The following IL1RAPL1 variants were observed in gnomAD, a reference collection of about 807,000 sequenced individuals.
IL1RAPL1 encodes the protein interleukin 1 receptor accessory protein like 1.
Under a neutral mutation model 48.4 loss-of-function variants are expected in IL1RAPL1, and 3 were observed. That is an observed-to-expected ratio of 0.06 (90% CI 0.03 to 0.16). The LOEUF (loss-of-function observed/expected upper bound fraction) is 0.16, where lower values mean the gene tolerates loss of function less well. IL1RAPL1 is among the 10% of genes least tolerant of loss of function. The probability of loss-of-function intolerance (pLI) is 1.00; values close to 1 mark genes in which losing one functional copy is unlikely to be tolerated. For synonymous variants in IL1RAPL1, 185 were observed against 187.7 expected (o/e 0.99, Z 0.12); for missense variants, 349 against 530.6 (o/e 0.66, Z 3.36).
At chrX:29,129,359 C>T (rs1428673166) in intron 2 of IL1RAPL1, among the ~76,000 whole-genome samples, 1 of 110,664 alleles carries the variant, frequency 9.0e-6, no homozygotes, top group East Asian at 2.8e-4. Context: ...AATCATTTTA[C>T]ATCAGTGTTT....
At chrX:29,222,906 C>G (rs1186853337) in intron 2 of IL1RAPL1, among the ~76,000 whole-genome samples, 2 of 111,489 alleles carry the variant, frequency 1.8e-5, no homozygotes, top group African/African-American at 6.5e-5. Context: ...CGGATTGTCT[C>G]CTATGGTTTC....
intron 2 of IL1RAPL1, among the ~76,000 whole-genome samples, chrX:29,113,963 C>T: frequency 9.0e-6 from 1 of 111,510 alleles, no homozygotes; most frequent in Non-Finnish European, 1.9e-5. Context: ...ATATAGTTTG[C>T]TCTAGTTTTT....
chrX:29,513,198 GA>G (rs1236454992), intron 5 of IL1RAPL1, among the ~76,000 whole-genome samples: 1 of 99,422 alleles, frequency 1.0e-5, no homozygotes, highest in East Asian at 3.3e-4. Context: ...GTGAAAAGAG[GA>G]AAAAATATGC....
chrX:29,903,482 G>T (rs1569198581), intron 6 of IL1RAPL1, among the ~76,000 whole-genome samples: 1 of 111,071 alleles, frequency 9.0e-6, no homozygotes, highest in South Asian at 3.8e-4. Flanking sequence ...AAAATGTCTG[G>T]ATGTTGATGC....
chrX:29,627,556 T>C (rs1012955266), intron 5 of IL1RAPL1, among the ~76,000 whole-genome samples: 1 of 112,056 alleles, frequency 8.9e-6, no homozygotes, highest in African/African-American at 3.2e-5. Context: ...TTGTAGTCAA[T>C]GCCAAAGAAA....
chrX:29,775,516 G>A (rs900154026), intron 6 of IL1RAPL1, among the ~76,000 whole-genome samples: 4 of 111,322 alleles, frequency 3.6e-5, no homozygotes, highest in Middle Eastern at 4.2e-3. Flanking sequence ...TGTATTAGGC[G>A]AAGGGAGGTC....
chrX:29,931,352 G>C (rs1932947098), intron 8 of IL1RAPL1, among the ~76,000 whole-genome samples: 1 of 111,287 alleles, frequency 9.0e-6, no homozygotes. Context: ...ACCAACATAT[G>C]ATTTTTGCTT....
At chrX:29,905,126 A>G (rs1215764651) in intron 6 of IL1RAPL1, among the ~76,000 whole-genome samples, 1 of 112,396 alleles carries the variant, frequency 8.9e-6, no homozygotes. Context: ...ATGATCAGTG[A>G]TAATGAGCTT....
At chrX:29,579,889 T>C (rs949314374) in intron 5 of IL1RAPL1, among the ~76,000 whole-genome samples, 3 of 111,993 alleles carry the variant, frequency 2.7e-5, no homozygotes, top group African/African-American at 9.7e-5. Flanking sequence ...TATGTGCTTA[T>C]TGAATCTGTA....
intron 2 of IL1RAPL1, among the ~76,000 whole-genome samples, chrX:28,936,582 T>A (rs149164157): frequency 9.0e-6 from 1 of 110,555 alleles, no homozygotes; most frequent in East Asian, 2.9e-4. Flanking sequence ...TATATATATA[T>A]GTATGTATGT....
In IL1RAPL1 at chrX:29,496,469, CTTTT is replaced by C. The variant is rs60141942; in HGVS notation, c.703+97178_703+97181del. On this transcript the variant is annotated intron_variant, in intron 5 of 10. Coordinates refer to ENST00000378993, the MANE Select transcript of IL1RAPL1 (RefSeq NM_014271.4). ...TCTCCCTCCACACTCTTTCTTATTC[CTTTT>C]TTTTTTTTTTTTTTTTGCCATGTGA... Among the ~76,000 whole-genome samples the C allele has an allele frequency of 4.1e-5, 3 of 73,274 alleles. No individual in the cohort carries two copies. In the Admixed American group the frequency reaches 4.8e-4, roughly 12 times the overall value. 63.6% of individuals were successfully genotyped at this position (73,274 alleles called of 115,157 possible).
intron 3 of IL1RAPL1, among the ~76,000 whole-genome samples, chrX:29,295,481 G>T (rs770910263): frequency 1.8e-5 from 2 of 111,889 alleles, no homozygotes; most frequent in Admixed American, 1.9e-4. Context: ...TTGCATCTTT[G>T]CATCTTTGCA....
At chrX:29,365,762 G>A (rs894495575) in intron 3 of IL1RAPL1, among the ~76,000 whole-genome samples, 13 of 109,542 alleles carry the variant, frequency 1.2e-4, no homozygotes, top group African/African-American at 4.0e-4. Context: ...GAAATGGTCC[G>A]GCGCAGTTTC....
At chrX:28,720,775 G>A (rs1013821007) in intron 1 of IL1RAPL1, among the ~76,000 whole-genome samples, 1 of 110,886 alleles carries the variant, frequency 9.0e-6, no homozygotes, top group Admixed American at 9.6e-5. Context: ...CACAGGCCCT[G>A]GTGTGTGATG....
intron 6 of IL1RAPL1, among the ~76,000 whole-genome samples, chrX:29,723,903 C>T (rs1470170603): frequency 9.0e-6 from 1 of 111,159 alleles, no homozygotes; most frequent in Non-Finnish European, 1.9e-5. Flanking sequence ...CAACCTCCAG[C>T]TCCTGGGTTC....
intron 2 of IL1RAPL1, among the ~76,000 whole-genome samples, chrX:28,998,587 G>A (rs111249823): frequency 1.8e-5 from 2 of 111,847 alleles, no homozygotes; most frequent in Non-Finnish European, 3.8e-5. Flanking sequence ...CATTCCCATC[G>A]TATTGATTTT....
intron 2 of IL1RAPL1, among the ~76,000 whole-genome samples, chrX:28,807,870 A>G (rs1285683669): frequency 9.0e-6 from 1 of 110,739 alleles, no homozygotes; most frequent in Non-Finnish European, 1.9e-5. Flanking sequence ...TATCTCTTCT[A>G]CAAATGTTCT....
chrX:29,490,459 G>C (rs935098203), intron 5 of IL1RAPL1, among the ~76,000 whole-genome samples: 17 of 111,026 alleles, frequency 1.5e-4, no homozygotes, highest in African/African-American at 5.3e-4. Flanking sequence ...CTTGAACTGG[G>C]GAGGCAGAGG....
At position 28,798,991 on chromosome X, in the gene IL1RAPL1, C is replaced by T. The variant is rs1018759837; in HGVS notation, c.82+9566C>T. 7.2e-5 allele frequency among the ~76,000 whole-genome samples: 8 copies of T among 111,677 alleles called. No homozygotes were observed. The Admixed American group carries it at 7.6e-4, about 11-fold the overall frequency. ...CCTTTTCTTTGTGGTAGGCTAAAGG[C>T]GTCTGTGTTCCTTTCAACAAAGTAA... On this transcript the variant is annotated intron_variant, in intron 2 of 10. Transcript: ENST00000378993.
Sources: gnomAD v4.1 joint callset for allele counts (sites outside exome capture counted in the v4.1 genomes callset) on GRCh38, gnomAD v4.1.1 for gene constraint, MANE v1.5 for transcripts, NCBI Gene and HGNC (gene_info 2026-07-23, HGNC 2026-07-21) for gene names.